The following OTUD7A variants were observed in gnomAD, a reference collection of about 807,000 sequenced individuals.
The protein encoded by OTUD7A is OTU domain-containing protein 7A.
In OTUD7A, 12 loss-of-function variants were observed where a neutral mutation model predicts 65.7. The ratio of observed to expected loss-of-function variants is 0.18; its 90% CI spans 0.12 to 0.30. OTUD7A has a LOEUF of 0.30. OTUD7A is among the 10% of genes least tolerant of loss of function. OTUD7A has a pLI of 1.00. For synonymous variants in OTUD7A, 641 were observed against 586.3 expected, an observed-to-expected ratio of 1.09 and a Z score of -1.35; for missense variants, 1,148 against 1,304.8, an observed-to-expected ratio of 0.88 and a Z score of 1.85.
At chr15:31,643,999 G>C (rs913593687) in intron 3 of OTUD7A, among the ~76,000 whole-genome samples, 19 of 152,148 alleles carry the variant, frequency 1.2e-4, no homozygotes, top group African/African-American at 3.9e-4. Flanking sequence ...GACAGAAAGG[G>C]GTACCTGGGG....
chr15:31,853,464 C>G (rs538311264), intron 1 of OTUD7A, among the ~76,000 whole-genome samples: 10 of 152,334 alleles, frequency 6.6e-5, no homozygotes, highest in African/African-American at 2.4e-4. Context: ...GTACCAGAAC[C>G]AATGCAATCA....
Position 31,484,265 on chromosome 15 carries a change from C to G in OTUD7A, c.1831G>C (p.Gly611Arg). ...KAAGASPAEK[G>R]GGPRGDAWKY... ...CAGGCGTCGCCCCGCGGCCCACCGCCCTTCTCCGCCGGCGACGCGCCCGCT... is the reference window on the plus strand; with the variant it reads ...CAGGCGTCGCCCCGCGGCCCACCGCGCTTCTCCGCCGGCGACGCGCCCGCT... Residue 611 changes from glycine to arginine, a missense_variant, in exon 13 of 13, where the codon GGC (glycine) becomes CGC (arginine). Physicochemically the swap from Gly to Arg is moderately radical, Grantham distance 125 (BLOSUM62 -2). Transcript: ENST00000307050. This position sits in a 1 kb window ranked among gnomAD's most constrained non-coding sequence, Gnocchi z 4.5. 1 of 1,594,832 alleles carries G rather than the reference C, an allele frequency of 6.3e-7. No homozygotes were observed. The highest frequency in any genetic ancestry group is 1.1e-5 in the South Asian group (1 of 89,796).
chr15:31,619,085 A>AG (rs1424048234), intron 3 of OTUD7A, among the ~76,000 whole-genome samples: 1 of 152,150 alleles, frequency 6.6e-6, no homozygotes, highest in Non-Finnish European at 1.5e-5. Context: ...AGATGGTTGT[A>AG]GATGTGTGGT....
At chr15:31,649,475 T>C (rs561117751) in intron 3 of OTUD7A, among the ~76,000 whole-genome samples, 5 of 152,342 alleles carry the variant, frequency 3.3e-5, no homozygotes, top group Admixed American at 1.3e-4. Context: ...CGCTCAGCTT[T>C]TGCCACCATG....
chr15:31,710,310 G>A (rs1893409030), intron 1 of OTUD7A, among the ~76,000 whole-genome samples: 1 of 149,272 alleles, frequency 6.7e-6, no homozygotes, highest in South Asian at 2.2e-4. Flanking sequence ...CACAGAAAGG[G>A]CTTTTTCTAG....
intron 1 of OTUD7A, among the ~76,000 whole-genome samples, chr15:31,812,007 C>T (rs1896430759): frequency 6.6e-6 from 1 of 152,214 alleles, no homozygotes; most frequent in Non-Finnish European, 1.5e-5. Flanking sequence ...TCACTGCTGC[C>T]TTGCTTCACC....
At chr15:31,543,093 C>T (rs1888032592) in intron 5 of OTUD7A, among the ~76,000 whole-genome samples, 1 of 151,822 alleles carries the variant, frequency 6.6e-6, no homozygotes, top group South Asian at 2.1e-4. Context: ...ATATAAAACA[C>T]TAATGTCTGA....
chr15:31,505,563 T>G (rs2041547975), intron 8 of OTUD7A, among the ~76,000 whole-genome samples: 1 of 152,202 alleles, frequency 6.6e-6, no homozygotes. Context: ...CTTATAATTT[T>G]TTTTTAATTT....
At chr15:31,669,231 T>G (rs1406952036) in intron 1 of OTUD7A, among the ~76,000 whole-genome samples, 1 of 152,214 alleles carries the variant, frequency 6.6e-6, no homozygotes. Context: ...ACATGCCATT[T>G]ATCTTCAGCT....
At chr15:31,513,823 A>C (rs1189978973) in intron 8 of OTUD7A, among the ~76,000 whole-genome samples, 1 of 152,224 alleles carries the variant, frequency 6.6e-6, no homozygotes, top group African/African-American at 2.4e-5. Flanking sequence ...CATTTTGTGG[A>C]GAGGAACTTG....
At chr15:31,552,926 C>G (rs140537439) in intron 5 of OTUD7A, among the ~76,000 whole-genome samples, 61 of 152,286 alleles carry the variant, frequency 4.0e-4, no homozygotes, top group African/African-American at 1.4e-3. Context: ...CCAATGGAAG[C>G]CTCACGAGAT....
At chr15:31,602,628 A>G (rs1890113112) in intron 3 of OTUD7A, among the ~76,000 whole-genome samples, 1 of 152,208 alleles carries the variant, frequency 6.6e-6, no homozygotes, top group South Asian at 2.1e-4. Context: ...AGAAAGAAAT[A>G]AAGGGTATTC....
intron 1 of OTUD7A, among the ~76,000 whole-genome samples, chr15:31,854,127 G>A (rs1202591124): frequency 1.3e-5 from 2 of 152,120 alleles, no homozygotes; most frequent in African/African-American, 2.4e-5. Flanking sequence ...CTGTTGGCAG[G>A]GCTGCATTCC....
intron 3 of OTUD7A, among the ~76,000 whole-genome samples, chr15:31,574,916 C>T (rs1263266207): frequency 6.6e-6 from 1 of 152,170 alleles, no homozygotes; most frequent in African/African-American, 2.4e-5. Flanking sequence ...AGCCCCTCCA[C>T]TTTGGGCCTG....
chr15:31,699,863 G>A (rs1487075087), intron 1 of OTUD7A, among the ~76,000 whole-genome samples: 5 of 152,030 alleles, frequency 3.3e-5, no homozygotes, highest in East Asian at 1.9e-4. Context: ...GTCTGACTGC[G>A]CTGTTAGTGG....
intron 12 of OTUD7A, among the ~76,000 whole-genome samples, chr15:31,486,328 T>C (rs1486646312): frequency 6.6e-6 from 1 of 152,096 alleles, no homozygotes; most frequent in Non-Finnish European, 1.5e-5. Context: ...GGGGTATCAG[T>C]CCCTGCCTCA....
At chr15:31,658,988 C>T (rs113115894) in intron 1 of OTUD7A, among the ~76,000 whole-genome samples, 1,978 of 149,270 alleles carry the variant, frequency 0.013, 48 homozygotes, top group African/African-American at 0.045. Flanking sequence ...GCTGAGATCG[C>T]GCCATTGCAC....
At chr15:31,664,905 T>A (rs907154476) in intron 1 of OTUD7A, among the ~76,000 whole-genome samples, 1 of 152,192 alleles carries the variant, frequency 6.6e-6, no homozygotes, top group Admixed American at 6.5e-5. Context: ...CATCGTTTGC[T>A]CAAAAGGGCA....
At chr15:31,698,129 C>T (rs1389671499) in intron 1 of OTUD7A, among the ~76,000 whole-genome samples, 2 of 152,242 alleles carry the variant, frequency 1.3e-5, no homozygotes, top group Non-Finnish European at 2.9e-5. Flanking sequence ...ATGCTAGTGA[C>T]AATTCCATCT....
Sources: gnomAD v4.1 joint callset for allele counts (sites outside exome capture counted in the v4.1 genomes callset) on GRCh38, gnomAD v4.1.1 for gene constraint, Gnocchi (gnomAD v3.1) non-coding constraint, MANE v1.5 for transcripts, NCBI Gene and HGNC (gene_info 2026-07-23, HGNC 2026-07-21) for gene names.